Variants in SULT2A1 observed in about 807,000 individuals in gnomAD.
The protein encoded by SULT2A1 is sulfotransferase 2A1.
SULT2A1 carries 43 observed loss-of-function variants against 33.9 expected under a neutral mutation model. The observed-to-expected ratio is 1.27, with a 90% CI of 1.00 to 1.64. SULT2A1 has a LOEUF of 1.64. SULT2A1 is among the 40% of genes most tolerant of loss of function. The pLI is 0.00. For synonymous variants in SULT2A1, 125 were observed against 113.6 expected, an observed-to-expected ratio of 1.10 and a Z score of -0.64; for missense variants, 300 against 335.1, an observed-to-expected ratio of 0.90 and a Z score of 0.82.
At position 47,883,653 on chromosome 19, in the gene SULT2A1, G is replaced by A. The variant is rs567166520; in HGVS notation, c.269C>T (p.Thr90Met). Reference sequence around the variant, plus strand: ...GGAGGAGAATAAACGTGGACTCTCCGTTTCACTGAGTGCTGTATACCCAAT... The same window carrying A: ...GGAGGAGAATAAACGTGGACTCTCCATTTCACTGAGTGCTGTATACCCAAT... ...SEIGYTALSE[T>M]ESPRLFSSHL... Residue 90 changes from threonine (T) to methionine (M), a missense_variant, in exon 2 of 6, where the codon ACG becomes ATG. Physicochemically the swap from Thr to Met is moderately conservative, Grantham distance 81. Coordinates refer to ENST00000222002, the MANE Select transcript of SULT2A1 (RefSeq NM_003167.4). The A allele has an allele frequency of 5.3e-5, 85 of 1,614,074 alleles. No homozygotes were observed. The Admixed American group carries it at 1.0e-3, about 19-fold the overall frequency.
intron 3 of SULT2A1, among the ~76,000 whole-genome samples, chr19:47,879,772 C>T (rs1040512092): frequency 2.7e-5 from 3 of 111,162 alleles, no homozygotes; most frequent in African/African-American, 7.4e-5. Context: ...CACACCGGGG[C>T]CTGTCATGGG....
Position 47,884,724 on chromosome 19 carries a change from G to C in SULT2A1, c.137-939C>G, listed in dbSNP as rs982185540. 2.0e-5 allele frequency among the ~76,000 whole-genome samples: 3 copies of C among 149,406 alleles called. No individual in the cohort carries two copies. The East Asian group carries it at 6.0e-4, about 30-fold the overall frequency. On this transcript the variant is annotated intron_variant, in intron 1 of 5. Coordinates refer to ENST00000222002, the MANE Select transcript of SULT2A1 (RefSeq NM_003167.4). ...TTGCCCAGGCTGGTCTTGAACGCTT[G>C]ACCTCAAGCAATCTGCCTATCTTGC...
At chr19:47,875,099 G>A (rs1048329245) in intron 4 of SULT2A1, among the ~76,000 whole-genome samples, 4 of 148,046 alleles carry the variant, frequency 2.7e-5, no homozygotes, top group Admixed American at 6.9e-5. Context: ...GAGGTGGAGG[G>A]TGCAGTGAGC....
At chr19:47,880,255 A>AAAC (rs1968590610) in intron 3 of SULT2A1, among the ~76,000 whole-genome samples, 2 of 150,964 alleles carry the variant, frequency 1.3e-5, no homozygotes, top group South Asian at 2.1e-4. Flanking sequence ...AAAAAAAAAA[A>AAAC]AAACCTGAAG....
At chr19:47,874,541 G>GAA (rs386389152) in intron 5 of SULT2A1, 116 bp downstream of exon 5, 16,890 of 342,118 alleles carry the variant, frequency 0.049, 40 homozygotes, top group South Asian at 0.081. Context: ...CTTCATCTCG[G>GAA]AAAAAAAAAA....
At chr19:47,883,131 G>A (rs894947054) in intron 2 of SULT2A1, among the ~76,000 whole-genome samples, 4 of 152,036 alleles carry the variant, frequency 2.6e-5, no homozygotes, top group African/African-American at 7.2e-5. Context: ...TGGCCCCGGG[G>A]CAGTCAACCT....
chr19:47,879,888 T>A (rs1968585437), intron 3 of SULT2A1, among the ~76,000 whole-genome samples: 1 of 151,638 alleles, frequency 6.6e-6, no homozygotes, highest in Non-Finnish European at 1.5e-5. Flanking sequence ...GTAACAAACC[T>A]GTACGTTGTG....
At chr19:47,875,589 G>A (rs1309414858) in intron 4 of SULT2A1, among the ~76,000 whole-genome samples, 1 of 151,958 alleles carries the variant, frequency 6.6e-6, no homozygotes, top group East Asian at 1.9e-4. Context: ...AGTGAGCTGT[G>A]ATTGCACCAC....
intron 3 of SULT2A1, among the ~76,000 whole-genome samples, chr19:47,880,697 C>T (rs1393408583): frequency 2.0e-5 from 3 of 151,964 alleles, no homozygotes; most frequent in African/African-American, 4.8e-5. Flanking sequence ...AGCGATTCTC[C>T]TGCCTTAGCC....
intron 2 of SULT2A1, 40 bp from the exon 3 acceptor site, chr19:47,882,250 C>G (rs777529499): frequency 6.3e-7 from 1 of 1,595,090 alleles, no homozygotes; most frequent in Admixed American, 1.8e-5. Context: ...TCAATACAGT[C>G]AATCCTCACT....
At chr19:47,874,370 C>T (rs948304841) in intron 5 of SULT2A1, among the ~76,000 whole-genome samples, 1 of 152,046 alleles carries the variant, frequency 6.6e-6, no homozygotes, top group Admixed American at 6.6e-5. Context: ...GAAACCATGT[C>T]TTTACTAAAG....
chr19:47,876,957 G>A (rs1267330348), intron 4 of SULT2A1, among the ~76,000 whole-genome samples: 6 of 146,366 alleles, frequency 4.1e-5, no homozygotes, highest in African/African-American at 1.3e-4. Flanking sequence ...TGCATCTGTA[G>A]TCCCAGCTAC....
At position 47,874,731 on chromosome 19, in the gene SULT2A1, T is replaced by A; in HGVS notation, c.671A>T (p.Lys224Ile). 4 of 1,614,168 alleles carry A rather than the reference T, an allele frequency of 2.5e-6. No individual in the cohort carries two copies. The highest frequency in any genetic ancestry group is 3.4e-6 in the Non-Finnish European group (4 of 1,180,014). Residue 224 changes from lysine (K) to isoleucine (I), a missense_variant, in exon 5 of 6, where the codon AAA (lysine) becomes ATA (isoleucine). Transcript: ENST00000222002. ...ILKNSSFQSMKENKMSNYSLL... is the reference protein window; with the variant it reads ...ILKNSSFQSMIENKMSNYSLL... Reference sequence around the variant, plus strand: ...GGAATAATTGGACATCTTGTTTTCTTTCATGCTCTGAAAGGAGCTGTTCTT... The same window carrying A: ...GGAATAATTGGACATCTTGTTTTCTATCATGCTCTGAAAGGAGCTGTTCTT...
chr19:47,875,719 C>T (rs541931680), intron 4 of SULT2A1, among the ~76,000 whole-genome samples: 4 of 152,250 alleles, frequency 2.6e-5, no homozygotes, highest in South Asian at 2.1e-4. Flanking sequence ...TGGATTTTCC[C>T]GTATGGTAGA....
At chr19:47,876,742 C>T (rs1434823394) in intron 4 of SULT2A1, among the ~76,000 whole-genome samples, 1 of 134,928 alleles carries the variant, frequency 7.4e-6, no homozygotes, top group East Asian at 2.3e-4. Flanking sequence ...TGCACTCCAG[C>T]CTGGGTGACA....
chr19:47,881,418 C>T (rs1324170673), intron 3 of SULT2A1, among the ~76,000 whole-genome samples: 3 of 151,328 alleles, frequency 2.0e-5, no homozygotes, highest in Non-Finnish European at 3.0e-5. Flanking sequence ...GTGATCCACC[C>T]GCCTCGGCCT....
chr19:47,885,924 A>T (rs150069549), intron 1 of SULT2A1, among the ~76,000 whole-genome samples, 198 bp downstream of exon 1: 1 of 152,114 alleles, frequency 6.6e-6, no homozygotes, highest in Non-Finnish European at 1.5e-5. Context: ...AATACCTTAG[A>T]TTACCCCTCT....
In SULT2A1 at chr19:47,883,730, C is replaced by G. The variant is rs1254523842; in HGVS notation, c.192G>C (p.Lys64Asn). The G allele has an allele frequency of 8.7e-6, 14 of 1,614,146 alleles. 1 individual carries two copies. In the South Asian group the frequency reaches 1.5e-4, roughly 18 times the overall value. ...LCLMHSKGDAKWIQSVPIWER... is the reference protein window; with the variant it reads ...LCLMHSKGDANWIQSVPIWER... ...CCCAGATGGGCACAGATTGGATCCA[C>G]TTGGCATCCCCCTTGGAGTGCATCA... The change falls in exon 2 of 6, where the codon AAG (lysine) becomes AAC (asparagine). Residue 64 changes from lysine (K) to asparagine (N), a missense_variant. Coordinates refer to ENST00000222002, the MANE Select transcript of SULT2A1 (RefSeq NM_003167.4).
intron 3 of SULT2A1, 104 bp downstream of exon 3, chr19:47,881,980 G>A: frequency 6.7e-7 from 1 of 1,485,396 alleles, no homozygotes; most frequent in Non-Finnish European, 9.2e-7. Flanking sequence ...GGGTGGTGGA[G>A]CCTTTCAACC....
Sources: gnomAD v4.1 joint callset for allele counts (sites outside exome capture counted in the v4.1 genomes callset) on GRCh38, gnomAD v4.1.1 for gene constraint, MANE v1.5 for transcripts, NCBI Gene and HGNC (gene_info 2026-07-23, HGNC 2026-07-21) for gene names.